Variants in CNIH3 observed in about 807,000 individuals in gnomAD.
CNIH3 encodes cornichon family AMPA receptor auxiliary protein 3, also known as protein cornichon homolog 3.
A neutral mutation model predicts 24.1 loss-of-function variants in CNIH3; 14 were observed. The observed-to-expected ratio is 0.58, with a 90% CI of 0.38 to 0.91. The LOEUF (loss-of-function observed/expected upper bound fraction) is 0.91, where lower values mean the gene tolerates loss of function less well. Ranked by LOEUF, CNIH3 falls within the 40% of genes least tolerant of loss-of-function variation. The pLI is 0.00. For synonymous variants in CNIH3, 68 were observed against 73.8 expected (o/e 0.92, Z 0.40); for missense variants, 178 against 196.8 (o/e 0.90, Z 0.57).
At chr1:224,463,148 G>A (rs561178062) in intron 1 of CNIH3, among the ~76,000 whole-genome samples, 8 of 152,040 alleles carry the variant, frequency 5.3e-5, no homozygotes, top group South Asian at 2.1e-4. Flanking sequence ...CACCCGCCTC[G>A]GCCTCCCAAA....
rs139798353 is a variant in CNIH3, at chr1:224,633,546, A to G, written c.81+16291A>G. ...ATTGGAGTACTCATAAAATGGATGG[A>G]AAGTCCAGAAAACAAGGCTTCAAAC... On this transcript the variant is annotated intron_variant, in intron 1 of 5. Transcript: ENST00000272133. Among the ~76,000 whole-genome samples, 388 of 152,322 alleles carry G rather than the reference A, an allele frequency of 2.5e-3. 2 individuals are homozygous for G. The highest frequency in any genetic ancestry group is 8.9e-3 in the African/African-American group (372 of 41,572).
At chr1:224,679,437 C>A (rs952367487) in intron 1 of CNIH3, among the ~76,000 whole-genome samples, 1 of 152,204 alleles carries the variant, frequency 6.6e-6, no homozygotes, top group African/African-American at 2.4e-5. Flanking sequence ...GGCCTTCAGG[C>A]TGTAGTTTGC....
chr1:224,502,186 G>C (rs1349170661), intron 1 of CNIH3, among the ~76,000 whole-genome samples: 1 of 152,178 alleles, frequency 6.6e-6, no homozygotes, highest in Non-Finnish European at 1.5e-5. Flanking sequence ...CTCAGAAACA[G>C]AGGGAATCAA....
At chr1:224,694,108 C>G (rs1322577123) in intron 3 of CNIH3, among the ~76,000 whole-genome samples, 1 of 152,208 alleles carries the variant, frequency 6.6e-6, no homozygotes, top group African/African-American at 2.4e-5. Context: ...ACAAGAGCTT[C>G]CACCCAGAGA....
chr1:224,594,069 G>A (rs1203242903), intron 3 of CNIH3, among the ~76,000 whole-genome samples: 3 of 152,218 alleles, frequency 2.0e-5, no homozygotes, highest in Non-Finnish European at 4.4e-5. Flanking sequence ...TTCTGGAGAT[G>A]GATAGTGGTG....
chr1:224,637,540 G>T (rs1411958463), intron 1 of CNIH3, among the ~76,000 whole-genome samples: 2 of 152,192 alleles, frequency 1.3e-5, no homozygotes, highest in Admixed American at 6.5e-5. Flanking sequence ...TTCAGGAGCT[G>T]TTTAGTACTG....
intron 3 of CNIH3, among the ~76,000 whole-genome samples, chr1:224,600,166 T>G (rs2125040112): frequency 6.6e-6 from 1 of 152,192 alleles, no homozygotes; most frequent in East Asian, 1.9e-4. Context: ...ATATATTATT[T>G]AGTTCTCTGT....
chr1:224,634,589 A>G (rs1371027896), intron 1 of CNIH3, among the ~76,000 whole-genome samples: 2 of 152,114 alleles, frequency 1.3e-5, no homozygotes, highest in African/African-American at 4.8e-5. Context: ...AAAAAATAAA[A>G]AAAAAAAGGT....
At chr1:224,488,473 T>TGG (rs1172830080) in intron 1 of CNIH3, among the ~76,000 whole-genome samples, 1 of 4,982 alleles carries the variant, frequency 2.0e-4, no homozygotes, top group African/African-American at 6.7e-4. Context: ...TTTTGGGGGG[T>TGG]GGGGGGGAAC....
chr1:224,482,055 C>T (rs956223453), intron 1 of CNIH3, among the ~76,000 whole-genome samples: 6 of 152,124 alleles, frequency 3.9e-5, no homozygotes, highest in South Asian at 2.1e-4. Context: ...TAGGATACTG[C>T]GGATGTTCAT....
At chr1:224,572,168 G>C (rs1159499542) in intron 4 of CNIH3, among the ~76,000 whole-genome samples, 2 of 152,122 alleles carry the variant, frequency 1.3e-5, no homozygotes, top group Non-Finnish European at 2.9e-5. Context: ...CTCTACTTCT[G>C]GTATGAGGAA....
At chr1:224,710,463 C>A (rs527477442) in intron 3 of CNIH3, among the ~76,000 whole-genome samples, 10 of 152,336 alleles carry the variant, frequency 6.6e-5, no homozygotes, top group Admixed American at 6.5e-4. Context: ...ATGATCTAAG[C>A]AAACCTTGAT....
chr1:224,570,649 CA>C (rs1325404743), intron 4 of CNIH3, among the ~76,000 whole-genome samples: 1 of 152,156 alleles, frequency 6.6e-6, no homozygotes, highest in African/African-American at 2.4e-5. Context: ...AATTCTCTAA[CA>C]GTTTCTTTTG....
chr1:224,597,055 C>T (rs553548151), intron 3 of CNIH3, among the ~76,000 whole-genome samples: 6 of 151,966 alleles, frequency 3.9e-5, no homozygotes, highest in African/African-American at 9.6e-5. Context: ...GGGATGCTGA[C>T]GCAGGAGAAT....
At chr1:224,687,949 G>A (rs1326239452) in intron 3 of CNIH3, among the ~76,000 whole-genome samples, 2 of 152,214 alleles carry the variant, frequency 1.3e-5, no homozygotes, top group South Asian at 2.1e-4. Context: ...TACTAAGTCC[G>A]TTCCTTGGAG....
chr1:224,592,556 G>A (rs911093080), downstream of CNIH3, among the ~76,000 whole-genome samples: 1 of 152,202 alleles, frequency 6.6e-6, no homozygotes, highest in Non-Finnish European at 1.5e-5. Flanking sequence ...GCTGATGGAA[G>A]AGCAGGAATA....
At chr1:224,655,839 G>A (rs1354909759) in intron 1 of CNIH3, among the ~76,000 whole-genome samples, 2 of 152,194 alleles carry the variant, frequency 1.3e-5, no homozygotes, top group Non-Finnish European at 2.9e-5. Flanking sequence ...GGGAAGGAGT[G>A]TAACTATGCA....
chr1:224,436,875 G>A (rs1674691825), intron 1 of CNIH3: 1 of 152,188 alleles, frequency 6.6e-6, no homozygotes, highest in African/African-American at 2.4e-5. Flanking sequence ...CTCCTCTTCA[G>A]GGACCTGTCT....
chr1:224,621,518 C>T (rs1683277711), intron 1 of CNIH3, among the ~76,000 whole-genome samples: 1 of 152,224 alleles, frequency 6.6e-6, no homozygotes, highest in African/African-American at 2.4e-5. Context: ...ACTTTCTGTT[C>T]TACTTGTGAT....
Sources: gnomAD v4.1 joint callset for allele counts (sites outside exome capture counted in the v4.1 genomes callset) on GRCh38, gnomAD v4.1.1 for gene constraint, MANE v1.5 for transcripts, NCBI Gene and HGNC (gene_info 2026-07-23, HGNC 2026-07-21) for gene names.